The following PCDH7 variants were observed in gnomAD, a reference collection of about 807,000 sequenced individuals.
PCDH7 encodes the protein protocadherin-7.
In PCDH7, 17 loss-of-function variants were observed where a neutral mutation model predicts 58.9. The ratio of observed to expected loss-of-function variants is 0.29; its 90% CI spans 0.20 to 0.43. The LOEUF is 0.43. Among genes scored for constraint, PCDH7 ranks in the 20% least tolerant of loss-of-function variants. PCDH7 has a pLI of 1.00. For missense variants in PCDH7, 1,274 were observed against 1,441.0 expected, an observed-to-expected ratio of 0.88 and a Z score of 1.88; for synonymous variants, 664 against 616.4, an observed-to-expected ratio of 1.08 and a Z score of -1.14.
chr4:30,889,361 ATCC>A (rs1184503070), intron 1 of PCDH7, among the ~76,000 whole-genome samples: 1 of 145,624 alleles, frequency 6.9e-6, no homozygotes, highest in East Asian at 2.0e-4. Flanking sequence ...AACTATTATT[ATCC>A]TTATTATTAT....
intron 1 of PCDH7, among the ~76,000 whole-genome samples, chr4:30,751,910 G>A (rs531687117): frequency 1.4e-4 from 21 of 152,058 alleles, no homozygotes; most frequent in African/African-American, 4.3e-4. Flanking sequence ...CTTCCTATTC[G>A]CTGTCATTTT....
chr4:30,725,689 A>C (rs1014870142), intron 1 of PCDH7, among the ~76,000 whole-genome samples: 1 of 152,106 alleles, frequency 6.6e-6, no homozygotes, highest in Non-Finnish European at 1.5e-5. Flanking sequence ...GTCAGAACCC[A>C]TCTCAAGAAA....
At chr4:30,938,155 C>T (rs555290706) in intron 2 of PCDH7, among the ~76,000 whole-genome samples, 2 of 152,206 alleles carry the variant, frequency 1.3e-5, no homozygotes, top group East Asian at 3.9e-4. Flanking sequence ...GAGCTCTTTT[C>T]ATTTTAGCAG....
intron 1 of PCDH7, among the ~76,000 whole-genome samples, chr4:30,840,491 A>C (rs565622625): frequency 6.6e-6 from 1 of 152,220 alleles, no homozygotes; most frequent in African/African-American, 2.4e-5. Flanking sequence ...TACTTCCGTT[A>C]TTGTATTATC....
intron 1 of PCDH7, among the ~76,000 whole-genome samples, chr4:30,826,036 C>T (rs969531313): frequency 6.6e-6 from 1 of 152,058 alleles, no homozygotes; most frequent in Non-Finnish European, 1.5e-5. Context: ...TTCTTCCTTT[C>T]TTTCAAGCAT....
intron 1 of PCDH7, among the ~76,000 whole-genome samples, chr4:30,763,105 C>G (rs1408049675): frequency 6.6e-6 from 1 of 152,092 alleles, no homozygotes; most frequent in African/African-American, 2.4e-5. Flanking sequence ...AGCCTGTAAT[C>G]CCAGCTACTC....
chr4:31,006,876 G>A (rs1752806529), intron 3 of PCDH7, among the ~76,000 whole-genome samples: 1 of 144,434 alleles, frequency 6.9e-6, no homozygotes, highest in South Asian at 2.2e-4. Context: ...TGGGCAACAA[G>A]ACTGAAACTT....
At chr4:31,037,274 TG>T in intron 3 of PCDH7, among the ~76,000 whole-genome samples, 1 of 152,346 alleles carries the variant, frequency 6.6e-6, no homozygotes, top group East Asian at 1.9e-4. Context: ...ATCTGTATGT[TG>T]GGAATAACAA....
At chr4:30,830,776 T>C (rs962480018) in intron 1 of PCDH7, among the ~76,000 whole-genome samples, 16 of 152,122 alleles carry the variant, frequency 1.1e-4, no homozygotes, top group African/African-American at 3.9e-4. Flanking sequence ...ATTTCTTGCA[T>C]GTTTCCAGTT....
intron 3 of PCDH7, among the ~76,000 whole-genome samples, chr4:31,004,523 G>A (rs908933721): frequency 7.9e-5 from 12 of 151,796 alleles, no homozygotes; most frequent in African/African-American, 1.2e-4. Context: ...CAGCCTGGCC[G>A]ACATGGTGAA....
intron 3 of PCDH7, among the ~76,000 whole-genome samples, chr4:31,092,965 T>C (rs768591130): frequency 6.6e-6 from 1 of 152,132 alleles, no homozygotes; most frequent in Non-Finnish European, 1.5e-5. Flanking sequence ...CTGTCATTTA[T>C]CTTGTATCTG....
intron 1 of PCDH7, among the ~76,000 whole-genome samples, chr4:30,864,143 G>A (rs900632800): frequency 3.3e-5 from 5 of 151,554 alleles, no homozygotes; most frequent in Non-Finnish European, 7.4e-5. Context: ...TTTTTCAATT[G>A]TATGACCTTT....
chr4:30,881,790 G>T (rs1045802596), intron 1 of PCDH7, among the ~76,000 whole-genome samples: 2 of 152,074 alleles, frequency 1.3e-5, no homozygotes, highest in African/African-American at 2.4e-5. Flanking sequence ...TTTTAGCAGC[G>T]TTCTAAACGA....
At chr4:30,959,442 A>G (rs1304424549) in intron 3 of PCDH7, among the ~76,000 whole-genome samples, 2 of 152,140 alleles carry the variant, frequency 1.3e-5, no homozygotes, top group Non-Finnish European at 2.9e-5. Flanking sequence ...TTTTTAGAAA[A>G]AAAGTACAAT....
intron 3 of PCDH7, among the ~76,000 whole-genome samples, chr4:31,056,502 AAAGAAAGAAAGAAAGG>A (rs1560608819): frequency 0.027 from 3,480 of 130,270 alleles, 148 homozygotes; most frequent in East Asian, 0.05. Flanking sequence ...AGAAAGAAAG[AAAGAAAGAAAGAAAGG>A]GGAAGGGAAG....
At chr4:31,044,845 G>T (rs1044957011) in intron 3 of PCDH7, among the ~76,000 whole-genome samples, 4 of 151,992 alleles carry the variant, frequency 2.6e-5, no homozygotes, top group African/African-American at 9.7e-5. Flanking sequence ...GGGAGATAAA[G>T]TTAGTTACTT....
chr4:30,992,777 G>GGACTACT (rs1751559589), intron 3 of PCDH7, among the ~76,000 whole-genome samples: 1 of 150,716 alleles, frequency 6.6e-6, no homozygotes, highest in South Asian at 2.1e-4. Context: ...TGGCCAAGGA[G>GGACTACT]GACTACTGTC....
intron 3 of PCDH7, among the ~76,000 whole-genome samples, chr4:31,094,885 C>A (rs1224536091): frequency 1.3e-5 from 2 of 151,818 alleles, no homozygotes; most frequent in Non-Finnish European, 2.9e-5. Flanking sequence ...AGTTTGGAAG[C>A]TAGCATCAAA....
At chr4:31,078,128 T>A (rs747867401) in intron 3 of PCDH7, among the ~76,000 whole-genome samples, 18 of 152,270 alleles carry the variant, frequency 1.2e-4, no homozygotes, top group Admixed American at 2.6e-4. Flanking sequence ...ACTAAGCGCA[T>A]CTTCAGAAAG....
Sources: allele counts gnomAD v4.1 joint callset (sites outside exome capture counted in the v4.1 genomes callset), GRCh38; gene constraint gnomAD v4.1.1; transcripts MANE v1.5; gene names NCBI Gene and HGNC (gene_info 2026-07-23, HGNC 2026-07-21).